The following ITGA11 variants were observed in gnomAD, a reference collection of about 807,000 sequenced individuals.
The protein encoded by ITGA11 is integrin subunit alpha 11.
Under a neutral mutation model 141.9 loss-of-function variants are expected in ITGA11, and 97 were observed. The ratio of observed to expected loss-of-function variants is 0.68; its 90% CI spans 0.58 to 0.81. ITGA11 has a LOEUF of 0.81. ITGA11 is among the 30% of genes least tolerant of loss of function. ITGA11 has a pLI of 0.00. For synonymous variants in ITGA11, 658 were observed against 624.6 expected, an observed-to-expected ratio of 1.05 and a Z score of -0.80; for missense variants, 1,387 against 1,559.2, an observed-to-expected ratio of 0.89 and a Z score of 1.86.
In ITGA11 at chr15:68,351,473, G is replaced by T. The variant is rs1001153523; in HGVS notation, c.750-71C>A. The stretch of plus-strand genomic sequence containing the variant: ...TGGGGCAGCCCCTGACGCTCCTGCA[G>T]AGGGGCAGCCACAGAAACCAGGACC... On this transcript the variant is annotated intron_variant, in intron 7 of 29. Transcript: ENST00000315757. 9.1e-6 allele frequency: 14 copies of T among 1,531,354 alleles called. No individual in the cohort carries two copies. The African/African-American group carries it at 1.9e-4, about 21-fold the overall frequency. 94.9% of individuals were successfully genotyped at this position (1,531,354 alleles called of 1,614,324 possible).
At position 68,423,111 on chromosome 15, in the gene ITGA11, T is replaced by G. The variant is rs7166628; in HGVS notation, c.52+8904A>C. 5.0e-3 allele frequency among the ~76,000 whole-genome samples: 761 copies of G among 152,312 alleles called. 11 individuals carry two copies. The highest frequency in any genetic ancestry group is 0.017 in the African/African-American group (696 of 41,548). ...CTGGACAGAGAGTTCTTTGGTTCAT[T>G]CAACACATCTTAACTGAGCACCTGC... On this transcript the variant is annotated intron_variant, in intron 1 of 29. Coordinates refer to ENST00000315757, the MANE Select transcript of ITGA11 (RefSeq NM_001004439.2).
chr15:68,407,569 C>G (rs949063811), intron 1 of ITGA11, among the ~76,000 whole-genome samples: 2 of 152,260 alleles, frequency 1.3e-5, no homozygotes, highest in Middle Eastern at 3.4e-3. Flanking sequence ...TGGGAATGAA[C>G]AGGCTGATTG....
Position 68,324,147 on chromosome 15 carries a change from T to G in ITGA11, c.2322+984A>C. Among the ~76,000 whole-genome samples, 1 of 145,394 alleles carries G rather than the reference T, an allele frequency of 6.9e-6. No homozygotes were observed. The highest frequency in any genetic ancestry group is 6.9e-5 in the Admixed American group (1 of 14,528). ...TCAGACTTAGGAGAAAGAGGGGAGG[T>G]GTGAGGACGGAGGTTTGGCAGGGGA... On this transcript the variant is annotated intron_variant, in intron 18 of 29. Transcript: ENST00000315757. The surrounding 1 kb of genome is among the most constrained non-coding windows in gnomAD (Gnocchi z 6.3).
chr15:68,432,050 C>A lies in ITGA11; in HGVS notation c.17G>T (p.Gly6Val). 1.5e-6 allele frequency: 2 copies of A among 1,359,932 alleles called. No individual in the cohort carries two copies. The highest frequency in any genetic ancestry group is 4.0e-5 in the Admixed American group (1 of 24,910). The allele number at this position is 1,359,932 out of a possible 1,614,324, so 84.2% of individuals were successfully genotyped here. ...GCTGAGCGCCCAGGCCACCACCAGGCCCCTGGGCAGGTCCATGGCCCGCGG... is the reference window on the plus strand; with the variant it reads ...GCTGAGCGCCCAGGCCACCACCAGGACCCTGGGCAGGTCCATGGCCCGCGG... Reference protein sequence around the residue: MDLPRGLVVAWALSLW... With the variant: MDLPRVLVVAWALSLW... The change falls in exon 1 of 30, where the codon GGC becomes GTC. Residue 6 changes from glycine to valine, a missense_variant. By Grantham distance (109) the Gly-to-Val change is moderately radical (BLOSUM62 -3). Coordinates refer to ENST00000315757, the MANE Select transcript of ITGA11 (RefSeq NM_001004439.2).
intron 10 of ITGA11, among the ~76,000 whole-genome samples, chr15:68,344,117 C>T (rs116753062): frequency 0.026 from 3,933 of 152,164 alleles, 156 homozygotes; most frequent in African/African-American, 0.088. Context: ...TAGGAGGACC[C>T]GAATGAACCA....
At chr15:68,361,467 C>T in intron 5 of ITGA11, 123 bp downstream of exon 5, 1 of 649,382 alleles carries the variant, frequency 1.5e-6, no homozygotes, top group South Asian at 1.8e-5. Context: ...ATCCGGAGAG[C>T]TGGGGCAGGA....
At chr15:68,315,378 G>A (rs760311949) in intron 22 of ITGA11, among the ~76,000 whole-genome samples, 2 of 152,240 alleles carry the variant, frequency 1.3e-5, no homozygotes, top group Non-Finnish European at 2.9e-5. Flanking sequence ...AATTACTGCT[G>A]TATACAGGGC....
In ITGA11 at chr15:68,302,483, A is replaced by G. The variant is rs181081998; in HGVS notation, c.*576T>C. ...GAGTCTTTCTTCATCCCTGGCTTGC[A>G]GCTGTCACCATCAAGCCCTTGCTCT... On this transcript the variant is annotated 3_prime_UTR_variant, in exon 30 of 30. Coordinates refer to ENST00000315757, the MANE Select transcript of ITGA11 (RefSeq NM_001004439.2). The G allele has an allele frequency of 2.5e-3, 389 of 152,762 alleles. 2 individuals carry two copies. Among genetic ancestry groups the G allele is most frequent in the Non-Finnish European group, 4.2e-3 (289 of 68,264 alleles). The allele number at this position is 152,762 out of a possible 1,614,324, so 9.5% of individuals were successfully genotyped here.
intron 2 of ITGA11, among the ~76,000 whole-genome samples, chr15:68,373,176 C>T (rs1895640788): frequency 6.6e-6 from 1 of 152,166 alleles, no homozygotes; most frequent in Non-Finnish European, 1.5e-5. Context: ...GGTGATTACC[C>T]TGGCCTTTCT....
intron 10 of ITGA11, among the ~76,000 whole-genome samples, chr15:68,340,010 A>C (rs2140315267): frequency 6.6e-6 from 1 of 152,240 alleles, no homozygotes; most frequent in Admixed American, 6.5e-5. Context: ...CATGTATTGA[A>C]GGAGGGAAAG....
At chr15:68,314,142 G>T (rs113650185) in intron 22 of ITGA11, among the ~76,000 whole-genome samples, 10 of 152,172 alleles carry the variant, frequency 6.6e-5, no homozygotes, top group Non-Finnish European at 1.5e-4. Context: ...GGCACGGACT[G>T]GACCCCAGCC....
chr15:68,424,859 G>A (rs1897104359), intron 1 of ITGA11, among the ~76,000 whole-genome samples: 1 of 152,240 alleles, frequency 6.6e-6, no homozygotes, highest in African/African-American at 2.4e-5. Flanking sequence ...CAGTCTTGAG[G>A]CAATAACTGG....
At chr15:68,356,101 ATTTTATTTTT>A (rs1464419689) in intron 7 of ITGA11, among the ~76,000 whole-genome samples, 1 of 145,888 alleles carries the variant, frequency 6.9e-6, no homozygotes, top group Non-Finnish European at 1.6e-5. Flanking sequence ...ATTTTATTTT[ATTTTATTTTT>A]TTGAGACGGA....
Position 68,321,488 on chromosome 15 carries a change from C to T in ITGA11, c.2338G>A (p.Gly780Ser), listed in dbSNP as rs763375662. 1.4e-5 allele frequency: 22 copies of T among 1,594,718 alleles called. 1 individual carries two copies. The highest frequency in any genetic ancestry group is 1.1e-4 in the South Asian group (10 of 88,660). The change falls in exon 19 of 30, where the codon GGC becomes AGC. Residue 780 changes from glycine to serine, a missense_variant. Transcript: ENST00000315757. This position sits in a 1 kb window ranked among gnomAD's most constrained non-coding sequence, Gnocchi z 4.9. ...ACACAGTGCTCATCCTCATTGCAGC[C>T]GTTCCAGAAGGGCACCTGGGCCAGG... ...TLRVSVPFWN[G>S]CNEDEHCVPD... is the part of the protein sequence containing the mutation.
chr15:68,412,389 C>G (rs1052306655), intron 1 of ITGA11, among the ~76,000 whole-genome samples: 2 of 152,180 alleles, frequency 1.3e-5, no homozygotes, highest in Admixed American at 6.5e-5. Flanking sequence ...ATGGCCTCCT[C>G]CTGCCTCAGC....
chr15:68,386,959 C>T (rs1895999948), intron 2 of ITGA11, among the ~76,000 whole-genome samples: 1 of 152,070 alleles, frequency 6.6e-6, no homozygotes, highest in African/African-American at 2.4e-5. Context: ...CCCTCACCCC[C>T]TATCTCACCC....
chr15:68,369,382 G>T, intron 2 of ITGA11, 98 bp from the exon 3 acceptor site: 1 of 632,622 alleles, frequency 1.6e-6, no homozygotes, highest in Non-Finnish European at 2.9e-6. Flanking sequence ...AAGTTGGGTG[G>T]GGAGGGTGGG....
Position 68,308,773 on chromosome 15 carries a change from A to AAGAAAAGAAG in ITGA11, c.3175-1078_3175-1077insCTTCTTTTCT. Among the ~76,000 whole-genome samples the AAGAAAAGAAG allele has an allele frequency of 6.9e-6, 1 of 145,342 alleles. No individual in the cohort carries two copies. The highest frequency in any genetic ancestry group is 2.5e-5 in the African/African-American group (1 of 40,488). On this transcript the variant is annotated intron_variant, in intron 26 of 29. Transcript: ENST00000315757. This position sits in a 1 kb window ranked among gnomAD's most constrained non-coding sequence, Gnocchi z 5.2. ...AAAGAAAAGAAAAGAAAGAAAAGAA[A>AAGAAAAGAAG]AGAAAAGAAAAGGGATTAGAGGACA...
In ITGA11 at chr15:68,432,159, G is replaced by T; in HGVS notation, c.-93C>A. On this transcript the variant is annotated 5_prime_UTR_variant, in exon 1 of 30. Coordinates refer to ENST00000315757, the MANE Select transcript of ITGA11 (RefSeq NM_001004439.2). ...CTCCTCGGCGCGGCGCCTGCAGCCT[G>T]CACTGCGCGGGGCGCCGGGCTCCCT... is the stretch of plus-strand genomic sequence containing the variant. 1 of 914,594 alleles carries T rather than the reference G, an allele frequency of 1.1e-6. No individual in the cohort carries two copies. Among genetic ancestry groups the T allele is most frequent in the Non-Finnish European group, 1.5e-6 (1 of 688,800 alleles). The allele number at this position is 914,594 out of a possible 1,614,324, so 56.7% of individuals were successfully genotyped here. A position where few individuals can be genotyped will look rare whatever the true frequency, so the allele number is the denominator to read the frequency against.
Sources: gnomAD v4.1 joint callset for allele counts (sites outside exome capture counted in the v4.1 genomes callset) on GRCh38, gnomAD v4.1.1 for gene constraint, Gnocchi (gnomAD v3.1) non-coding constraint, MANE v1.5 for transcripts, NCBI Gene and HGNC (gene_info 2026-07-23, HGNC 2026-07-21) for gene names.